Variants in FBXL17 observed in about 807,000 individuals in gnomAD.
FBXL17 encodes the protein F-box/LRR-repeat protein 17.
FBXL17 carries 22 observed loss-of-function variants against 66.2 expected under a neutral mutation model. The ratio of observed to expected loss-of-function variants is 0.33; its 90% CI spans 0.24 to 0.47. The LOEUF (loss-of-function observed/expected upper bound fraction) is 0.47, where lower values mean the gene tolerates loss of function less well. Among genes scored for constraint, FBXL17 ranks in the 20% least tolerant of loss-of-function variants. The pLI is 1.00. For synonymous variants in FBXL17, 474 were observed against 400.5 expected (o/e 1.18, Z -2.19); for missense variants, 878 against 948.2 (o/e 0.93, Z 0.97).
At chr5:108,212,818 G>C (rs536677414) in intron 5 of FBXL17, among the ~76,000 whole-genome samples, 1 of 152,328 alleles carries the variant, frequency 6.6e-6, no homozygotes, top group South Asian at 2.1e-4. Context: ...GAGGCAGTCT[G>C]ATCCTTAGCA....
chr5:108,072,670 T>A (rs188103932), intron 6 of FBXL17, among the ~76,000 whole-genome samples: 12 of 152,128 alleles, frequency 7.9e-5, no homozygotes, highest in Admixed American at 7.9e-4. Context: ...ATTGCGCCAC[T>A]GCACTCCAGC....
At chr5:107,931,903 T>C (rs1395391314) in intron 7 of FBXL17, among the ~76,000 whole-genome samples, 1 of 152,232 alleles carries the variant, frequency 6.6e-6, no homozygotes, top group African/African-American at 2.4e-5. Flanking sequence ...TACAGGTGCC[T>C]TTCCAATTAA....
chr5:108,293,097 A>C (rs13172525), intron 4 of FBXL17, among the ~76,000 whole-genome samples: 3,398 of 123,848 alleles, frequency 0.027, 111 homozygotes, highest in African/African-American at 0.092. Context: ...CAAAAAAAAA[A>C]CAAAAAAAAA....
In FBXL17 at chr5:108,047,679, C is replaced by T. The variant is rs946456731; in HGVS notation, c.1746-26678G>A. On this transcript the variant is annotated intron_variant, in intron 6 of 8. Coordinates refer to ENST00000542267, the MANE Select transcript of FBXL17 (RefSeq NM_001163315.3). Reference sequence around the variant, plus strand: ...TCAACACACCGGCTGTGGCATACTGCGGCCAGAGCACCTCTTCAGGCCTCA... The same window carrying T: ...TCAACACACCGGCTGTGGCATACTGTGGCCAGAGCACCTCTTCAGGCCTCA... Among the ~76,000 whole-genome samples the T allele has an allele frequency of 7.9e-5, 12 of 152,288 alleles. 1 individual carries two copies. The South Asian group carries it at 1.2e-3, about 16-fold the overall frequency.
At position 108,186,137 on chromosome 5, in the gene FBXL17, C is replaced by G; in HGVS notation, c.1725G>C (p.Leu575=). ...GTTACCTGTCATTTATGATCCAGTT[C>G]AGACAGAGATTGAGAGAGCTAAGAT... The part of the protein sequence containing the change: ...CKNLSSLNLC[L]NWIINDRCVE... The change falls in exon 6 of 9, where the codon CTG becomes CTC. Residue 575 remains leucine (L), a synonymous_variant. Coordinates refer to ENST00000542267, the MANE Select transcript of FBXL17 (RefSeq NM_001163315.3). 1 of 1,611,790 alleles carries G rather than the reference C, an allele frequency of 6.2e-7. No homozygotes were observed. Among genetic ancestry groups the G allele is most frequent in the Non-Finnish European group, 8.5e-7 (1 of 1,178,154 alleles).
intron 7 of FBXL17, among the ~76,000 whole-genome samples, chr5:108,000,809 A>T (rs1333233279): frequency 2.0e-5 from 3 of 152,238 alleles, no homozygotes; most frequent in African/African-American, 7.2e-5. Flanking sequence ...GAAATTTTCC[A>T]TGAATGAAAA....
intron 4 of FBXL17, among the ~76,000 whole-genome samples, chr5:108,281,105 A>G (rs918137533): frequency 5.3e-5 from 8 of 151,806 alleles, no homozygotes; most frequent in Admixed American, 2.0e-4. Flanking sequence ...CACAGTATTA[A>G]AACAGATAAT....
At position 108,115,900 on chromosome 5, in the gene FBXL17, G is replaced by T. The variant is rs907447897; in HGVS notation, c.1745+70217C>A. On this transcript the variant is annotated intron_variant, in intron 6 of 8. Coordinates refer to ENST00000542267, the MANE Select transcript of FBXL17 (RefSeq NM_001163315.3). ...AGCTGAGGCAGTCAAGGCTCAAAGA[G>T]ATTAAAATGAGCTTGTCCAAAATCA... 4.6e-4 allele frequency among the ~76,000 whole-genome samples: 70 copies of T among 152,302 alleles called. 2 individuals carry two copies. The highest frequency in any genetic ancestry group is 1.7e-3 in the African/African-American group (69 of 41,580).
intron 4 of FBXL17, among the ~76,000 whole-genome samples, chr5:108,272,738 T>C (rs780566533): frequency 3.9e-5 from 6 of 152,174 alleles, no homozygotes; most frequent in Non-Finnish European, 7.3e-5. Flanking sequence ...ATCAATATTA[T>C]TGTCATCAGA....
chr5:108,370,193 A>ATTGTT (rs925914609), intron 1 of FBXL17, among the ~76,000 whole-genome samples: 1 of 152,142 alleles, frequency 6.6e-6, no homozygotes, highest in African/African-American at 2.4e-5. Context: ...CCAGCTACGA[A>ATTGTT]TTGTTTTGTT....
At chr5:108,010,997 C>T (rs1037319015) in intron 7 of FBXL17, among the ~76,000 whole-genome samples, 2 of 152,168 alleles carry the variant, frequency 1.3e-5, no homozygotes, top group Non-Finnish European at 2.9e-5. Flanking sequence ...GAAAGACCTT[C>T]TGGAGAGGCT....
At chr5:107,935,902 T>G (rs564630121) in intron 7 of FBXL17, among the ~76,000 whole-genome samples, 1 of 152,146 alleles carries the variant, frequency 6.6e-6, no homozygotes, top group South Asian at 2.1e-4. Flanking sequence ...CACCTGCTAA[T>G]CAATTAGAAC....
At chr5:108,205,927 A>T (rs1580611865) in intron 5 of FBXL17, among the ~76,000 whole-genome samples, 2 of 152,128 alleles carry the variant, frequency 1.3e-5, no homozygotes, top group East Asian at 3.9e-4. Context: ...AGTAGCAAGA[A>T]TACTATATAA....
intron 6 of FBXL17, among the ~76,000 whole-genome samples, chr5:108,046,096 C>T (rs1158424757): frequency 1.3e-5 from 2 of 152,156 alleles, no homozygotes; most frequent in South Asian, 2.1e-4. Context: ...TTTCTCCTTT[C>T]AATTTTACCA....
chr5:108,240,610 TG>T (rs1176047212), intron 4 of FBXL17, among the ~76,000 whole-genome samples: 9 of 152,292 alleles, frequency 5.9e-5, no homozygotes, highest in African/African-American at 1.9e-4. Flanking sequence ...CATCTCTGGA[TG>T]TGCCCAGGAC....
intron 8 of FBXL17, among the ~76,000 whole-genome samples, chr5:107,863,681 T>C (rs1748197233): frequency 6.6e-6 from 1 of 152,212 alleles, no homozygotes; most frequent in Non-Finnish European, 1.5e-5. Context: ...GGAATAGTTA[T>C]TAGTGAGTGA....
At chr5:108,147,357 C>T (rs971406234) in intron 6 of FBXL17, among the ~76,000 whole-genome samples, 2 of 152,122 alleles carry the variant, frequency 1.3e-5, no homozygotes, top group Non-Finnish European at 2.9e-5. Context: ...ATGAAATTGG[C>T]ATAATACAAT....
chr5:108,133,870 A>G (rs1580490228), intron 6 of FBXL17, among the ~76,000 whole-genome samples: 1 of 152,300 alleles, frequency 6.6e-6, no homozygotes, highest in South Asian at 2.1e-4. Context: ...CACGTAAAAC[A>G]TTCAGCAGAA....
chr5:107,968,853 A>G (rs1752252880), intron 7 of FBXL17, among the ~76,000 whole-genome samples: 1 of 152,094 alleles, frequency 6.6e-6, no homozygotes, highest in Non-Finnish European at 1.5e-5. Context: ...TATAAAGCAC[A>G]TCAAAGTAAG....
Sources: gnomAD v4.1 joint callset for allele counts (sites outside exome capture counted in the v4.1 genomes callset) on GRCh38, gnomAD v4.1.1 for gene constraint, MANE v1.5 for transcripts, NCBI Gene and HGNC (gene_info 2026-07-23, HGNC 2026-07-21) for gene names.